Variants in SCFD2 observed in about 807,000 individuals in gnomAD.
SCFD2 encodes sec1 family domain containing 2.
A neutral mutation model predicts 58.9 loss-of-function variants in SCFD2; 54 were observed. The observed-to-expected ratio is 0.92, with a 90% CI of 0.74 to 1.15. The LOEUF (loss-of-function observed/expected upper bound fraction) is 1.15. Among genes scored for constraint, SCFD2 ranks in the 50% most tolerant of loss-of-function variants. The pLI is 0.00. For missense variants in SCFD2, 805 were observed against 836.6 expected, an observed-to-expected ratio of 0.96 and a Z score of 0.47; for synonymous variants, 321 against 335.9, an observed-to-expected ratio of 0.96 and a Z score of 0.49.
At chr4:53,344,836 C>T (rs557201337) in intron 2 of SCFD2, among the ~76,000 whole-genome samples, 3 of 152,252 alleles carry the variant, frequency 2.0e-5, no homozygotes, top group African/African-American at 7.2e-5. Flanking sequence ...CCTGAGAAAA[C>T]AAGCAACGGG....
At chr4:53,066,710 CCCTG>C (rs1315427434) in intron 5 of SCFD2, among the ~76,000 whole-genome samples, 1 of 151,998 alleles carries the variant, frequency 6.6e-6, no homozygotes, top group African/African-American at 2.4e-5. Context: ...CTTTCACTTT[CCCTG>C]CCTATTTCAC....
chr4:53,321,850 G>C (rs1218394243), intron 2 of SCFD2, among the ~76,000 whole-genome samples: 5 of 152,150 alleles, frequency 3.3e-5, no homozygotes, highest in African/African-American at 1.2e-4. Flanking sequence ...CTGGAAAGCA[G>C]CCCTTTGTTC....
chr4:53,001,393 G>A (rs1046008513), intron 5 of SCFD2, among the ~76,000 whole-genome samples: 6 of 152,112 alleles, frequency 3.9e-5, no homozygotes, highest in South Asian at 2.1e-4. Flanking sequence ...GCCTTTTACC[G>A]AACTGTTTTT....
intron 5 of SCFD2, among the ~76,000 whole-genome samples, chr4:53,034,389 A>G (rs896188128): frequency 6.6e-6 from 1 of 152,210 alleles, no homozygotes; most frequent in Non-Finnish European, 1.5e-5. Flanking sequence ...CAAAAACTGG[A>G]AGCATTCCCT....
rs1237656937 is a variant in SCFD2 at position 53,361,547 on chromosome 4, C to CCACT, written c.838+3553_838+3556dup. On this transcript the variant is annotated intron_variant, in intron 1 of 8. Transcript: ENST00000401642. Reference sequence around the variant, plus strand: ...AAGTAACTGAGACCACAGGCATGAGCCACTATACCTGGCTAATTTTTGTAT... The same window carrying CCACT: ...AAGTAACTGAGACCACAGGCATGAGCCACTCACTATACCTGGCTAATTTTTGTAT... Among the ~76,000 whole-genome samples, 4 of 152,204 alleles carry CCACT rather than the reference C, an allele frequency of 2.6e-5. No individual in the cohort carries two copies. In the East Asian group the frequency reaches 7.7e-4, roughly 29 times the overall value.
intron 4 of SCFD2, among the ~76,000 whole-genome samples, chr4:53,186,383 G>C (rs958709395): frequency 6.6e-6 from 1 of 151,966 alleles, no homozygotes; most frequent in Non-Finnish European, 1.5e-5. Context: ...ACAAGTTTCT[G>C]GGGAGGCAGA....
chr4:53,068,328 T>G (rs1360584871), intron 5 of SCFD2, among the ~76,000 whole-genome samples: 1 of 152,100 alleles, frequency 6.6e-6, no homozygotes, highest in Non-Finnish European at 1.5e-5. Flanking sequence ...CTGTTCCTCT[T>G]GTTTCAAATC....
chr4:52,931,289 C>T (rs1378224221), intron 5 of SCFD2, among the ~76,000 whole-genome samples: 1 of 152,184 alleles, frequency 6.6e-6, no homozygotes, highest in Non-Finnish European at 1.5e-5. Flanking sequence ...TCAGAGCTGA[C>T]TTGAGAGACT....
chr4:52,950,521 T>C (rs1720562386), intron 5 of SCFD2: 1 of 152,170 alleles, frequency 6.6e-6, no homozygotes. Context: ...ACCCTTTGAA[T>C]GAAATACAGG....
chr4:53,145,465 ATAT>A lies in SCFD2; in HGVS notation c.1426_1428del (p.Ile476del). 1 of 1,614,144 alleles carries A rather than the reference ATAT, an allele frequency of 6.2e-7. No homozygotes were observed. The highest frequency in any genetic ancestry group is 8.5e-7 in the Non-Finnish European group (1 of 1,180,020). On this transcript the variant is annotated inframe_deletion, in exon 5 of 9. Transcript: ENST00000401642. ...AGCTCTCCAGTGACAGAATAAATAT[ATAT>A]GAGAAGGATCAGCAGTTCCTCAGGG...
In SCFD2 at chr4:53,056,245, G is replaced by A. The variant is rs193026704; in HGVS notation, c.1561+89088C>T. Among the ~76,000 whole-genome samples, 632 of 151,114 alleles carry A rather than the reference G, an allele frequency of 4.2e-3. 5 individuals carry two copies. Among genetic ancestry groups the A allele is most frequent in the Non-Finnish European group, 7.9e-3 (536 of 67,908 alleles). On this transcript the variant is annotated intron_variant, in intron 5 of 8. Transcript: ENST00000401642. ...TACAATGGGGCCTTGTATTTTTACA[G>A]CTAAGCTGCATTAAAATACAGCCAG...
intron 2 of SCFD2, among the ~76,000 whole-genome samples, chr4:53,330,625 C>A (rs2149131309): frequency 6.6e-6 from 1 of 152,130 alleles, no homozygotes; most frequent in South Asian, 2.1e-4. Flanking sequence ...CAACCAGTAC[C>A]AGCCGCTGCA....
chr4:53,263,314 TAAAG>T (rs908143264), intron 4 of SCFD2, among the ~76,000 whole-genome samples: 7 of 152,188 alleles, frequency 4.6e-5, no homozygotes, highest in Non-Finnish European at 1.0e-4. Flanking sequence ...TTGGGGCTGT[TAAAG>T]AACCTTGTTT....
chr4:53,067,998 C>T (rs2148846665), intron 5 of SCFD2, among the ~76,000 whole-genome samples: 1 of 152,152 alleles, frequency 6.6e-6, no homozygotes, highest in Admixed American at 6.6e-5. Context: ...CTTAGCAAGT[C>T]CTTGCTTCTT....
At chr4:53,231,361 C>T (rs75774678) in intron 4 of SCFD2, among the ~76,000 whole-genome samples, 17,171 of 151,962 alleles carry the variant, frequency 0.11, 1,071 homozygotes, top group East Asian at 0.23. Context: ...CAAAGCATGG[C>T]GTCTGGTGTC....
chr4:53,311,843 C>G lies in SCFD2; in HGVS notation c.1135+1793G>C, dbSNP rs1732702122. Among the ~76,000 whole-genome samples the G allele has an allele frequency of 3.3e-5, 5 of 152,126 alleles. No homozygotes were observed. In the South Asian group the frequency reaches 1.0e-3, roughly 32 times the overall value. On this transcript the variant is annotated intron_variant, in intron 3 of 8. Coordinates refer to ENST00000401642, the MANE Select transcript of SCFD2 (RefSeq NM_152540.4). ...TAGAGACAGGGTTTCACCATATTGGCCAGGAGGGTCTCAGTCTCTTGATCT... is the reference window on the plus strand; with the variant it reads ...TAGAGACAGGGTTTCACCATATTGGGCAGGAGGGTCTCAGTCTCTTGATCT...
At chr4:53,064,492 C>T (rs1408303179) in intron 5 of SCFD2, among the ~76,000 whole-genome samples, 1 of 152,090 alleles carries the variant, frequency 6.6e-6, no homozygotes, top group African/African-American at 2.4e-5. Context: ...CCCATTATGC[C>T]TCATTTTCAA....
chr4:52,950,262 G>C (rs1432835084), intron 5 of SCFD2: 1 of 152,254 alleles, frequency 6.6e-6, no homozygotes, highest in Non-Finnish European at 1.5e-5. Context: ...AAAATTGAAA[G>C]AGGCAAAGTT....
At chr4:53,252,679 C>A (rs1239255470) in intron 4 of SCFD2, among the ~76,000 whole-genome samples, 3 of 152,036 alleles carry the variant, frequency 2.0e-5, no homozygotes, top group Non-Finnish European at 2.9e-5. Flanking sequence ...ACTGGCTAGC[C>A]ATATGTAGAA....
Sources: allele counts gnomAD v4.1 joint callset (sites outside exome capture counted in the v4.1 genomes callset), GRCh38; gene constraint gnomAD v4.1.1; transcripts MANE v1.5; gene names NCBI Gene and HGNC (gene_info 2026-07-23, HGNC 2026-07-21).